FSTL5: variants seen among roughly 807,000 people sequenced by gnomAD.
The protein encoded by FSTL5 is follistatin like 5, also known as follistatin-related protein 5.
In FSTL5, 62 loss-of-function variants were observed where a neutral mutation model predicts 89.1. That is an observed-to-expected ratio of 0.70 (90% CI 0.57 to 0.86). The LOEUF is 0.86. Among genes scored for constraint, FSTL5 ranks in the 40% least tolerant of loss-of-function variants. The probability of loss-of-function intolerance (pLI) is 0.00; values close to 1 mark genes in which losing one functional copy is unlikely to be tolerated. For missense variants in FSTL5, 1,057 were observed against 1,001.6 expected (o/e 1.06, Z -0.75); for synonymous variants, 383 against 346.2 (o/e 1.11, Z -1.18).
chr4:162,154,188 A>G (rs1215860816), intron 1 of FSTL5, among the ~76,000 whole-genome samples: 1 of 151,238 alleles, frequency 6.6e-6, no homozygotes, highest in African/African-American at 2.4e-5. Context: ...TTAGTTAGTT[A>G]TCTTTATTTA....
intron 2 of FSTL5, among the ~76,000 whole-genome samples, chr4:162,072,121 A>G (rs1024026797): frequency 6.6e-6 from 1 of 151,822 alleles, no homozygotes; most frequent in Non-Finnish European, 1.5e-5. Context: ...GTTTTAAATC[A>G]AATGGCAGGC....
chr4:161,514,480 G>T (rs1454341623), intron 10 of FSTL5, among the ~76,000 whole-genome samples: 1 of 152,116 alleles, frequency 6.6e-6, no homozygotes, highest in African/African-American at 2.4e-5. Flanking sequence ...GGAAGTAGGT[G>T]AGGAATGAAA....
intron 3 of FSTL5, among the ~76,000 whole-genome samples, chr4:162,019,683 G>A (rs940806862): frequency 3.6e-4 from 54 of 151,550 alleles, no homozygotes; most frequent in African/African-American, 2.9e-4. Flanking sequence ...TTGTCGGAGC[G>A]TTTATAAAGA....
At chr4:161,986,418 G>A (rs965262027) in intron 3 of FSTL5, among the ~76,000 whole-genome samples, 9 of 152,100 alleles carry the variant, frequency 5.9e-5, no homozygotes, top group Admixed American at 5.2e-4. Context: ...TGAGCCTGGT[G>A]GCATGTGCCT....
At chr4:161,992,770 G>A (rs1363885545) in intron 3 of FSTL5, among the ~76,000 whole-genome samples, 1 of 148,434 alleles carries the variant, frequency 6.7e-6, no homozygotes, top group Non-Finnish European at 1.5e-5. Context: ...CTTGAACCCG[G>A]GAGTTGGACG....
chr4:161,508,138 A>T (rs1422068658), intron 11 of FSTL5, among the ~76,000 whole-genome samples: 1 of 152,058 alleles, frequency 6.6e-6, no homozygotes, highest in African/African-American at 2.4e-5. Flanking sequence ...TGAAATACTT[A>T]TACCCAATGA....
chr4:161,871,051 C>T (rs1363668532), intron 4 of FSTL5, among the ~76,000 whole-genome samples: 1 of 152,006 alleles, frequency 6.6e-6, no homozygotes, highest in Non-Finnish European at 1.5e-5. Context: ...ATATTTTTTT[C>T]CAGGTCAAGA....
chr4:161,471,362 G>A lies in FSTL5; in HGVS notation c.1608+9658C>T, dbSNP rs867955494. ...TTAAGTCTGTTTATTACAATGATCT[G>A]TTTTTATATGTTGAATCATCCTTGC... On this transcript the variant is annotated intron_variant, in intron 13 of 15. Transcript: ENST00000306100. Among the ~76,000 whole-genome samples, 14 of 152,262 alleles carry A rather than the reference G, an allele frequency of 9.2e-5. 2 individuals are homozygous for A. In the Middle Eastern group the frequency reaches 0.017, roughly 185 times the overall value.
In FSTL5 at chr4:161,950,985, G is replaced by A. The variant is rs976953987; in HGVS notation, c.161-30333C>T. ...AATCTCATCTTGAATTGTAGCTCCC[G>A]TAATTCCCACATGTTGTGGAAGGGA... is the stretch of plus-strand genomic sequence containing the variant. On this transcript the variant is annotated intron_variant, in intron 3 of 15. Coordinates refer to ENST00000306100, the MANE Select transcript of FSTL5 (RefSeq NM_020116.5). 7.2e-5 allele frequency among the ~76,000 whole-genome samples: 11 copies of A among 151,958 alleles called. No homozygotes were observed. The East Asian group carries it at 7.7e-4, about 11-fold the overall frequency.
chr4:161,471,829 C>T (rs1312398613), intron 13 of FSTL5, among the ~76,000 whole-genome samples: 1 of 152,144 alleles, frequency 6.6e-6, no homozygotes, highest in Non-Finnish European at 1.5e-5. Context: ...AATTTGACAA[C>T]ATACAATTGT....
In FSTL5 at chr4:161,455,096, G is replaced by T. The variant is rs766631097; in HGVS notation, c.1749C>A (p.His583Gln). ...VITLASGNVP[H>Q]HTIHTQPVGK... Reference sequence around the variant, plus strand: ...CCACTGGTTGGGTGTGGATCGTGTGGTGAGGCACATTCCCACTGGCCAGGG... The same window carrying T: ...CCACTGGTTGGGTGTGGATCGTGTGTTGAGGCACATTCCCACTGGCCAGGG... Residue 583 changes from histidine (H) to glutamine (Q), a missense_variant, in exon 15 of 16, where the codon CAC (histidine) becomes CAA (glutamine). Physicochemically the swap from His to Gln is conservative, Grantham distance 24 (BLOSUM62 0). Coordinates refer to ENST00000306100, the MANE Select transcript of FSTL5 (RefSeq NM_020116.5). 3 of 1,612,186 alleles carry T rather than the reference G, an allele frequency of 1.9e-6. No homozygotes were observed. Among genetic ancestry groups the T allele is most frequent in the Non-Finnish European group, 2.5e-6 (3 of 1,179,236 alleles).
At chr4:161,671,499 G>C (rs774045256) in intron 6 of FSTL5, among the ~76,000 whole-genome samples, 1 of 152,162 alleles carries the variant, frequency 6.6e-6, no homozygotes, top group Non-Finnish European at 1.5e-5. Flanking sequence ...TTTACGAAAA[G>C]TTGCCTATTC....
chr4:162,098,845 G>A (rs546357141), intron 2 of FSTL5, among the ~76,000 whole-genome samples: 5 of 151,964 alleles, frequency 3.3e-5, no homozygotes, highest in East Asian at 1.9e-4. Flanking sequence ...TTCAACAAAC[G>A]CTTCTGGAAC....
chr4:161,791,774 A>G (rs570582926), intron 4 of FSTL5, among the ~76,000 whole-genome samples: 2 of 152,354 alleles, frequency 1.3e-5, no homozygotes, highest in South Asian at 4.1e-4. Context: ...AGGTAGCTAT[A>G]GATACATTCA....
At chr4:162,017,121 G>C (rs1736936636) in intron 3 of FSTL5, among the ~76,000 whole-genome samples, 2 of 152,158 alleles carry the variant, frequency 1.3e-5, no homozygotes, top group Admixed American at 1.3e-4. Context: ...TTTTCCCTTA[G>C]AGTCAGTCTT....
intron 6 of FSTL5, among the ~76,000 whole-genome samples, chr4:161,741,173 T>A (rs1020301804): frequency 6.6e-6 from 1 of 152,118 alleles, no homozygotes; most frequent in Non-Finnish European, 1.5e-5. Context: ...CCAAAATATG[T>A]CCACAGAATC....
At chr4:161,468,200 C>T (rs1733811482) in intron 13 of FSTL5, among the ~76,000 whole-genome samples, 1 of 151,960 alleles carries the variant, frequency 6.6e-6, no homozygotes, top group Non-Finnish European at 1.5e-5. Context: ...ACCCCCACTA[C>T]ATACTACTGC....
Position 161,775,908 on chromosome 4 carries a change from A to G in FSTL5, c.576T>C (p.Asn192=). ...TTAGTTCATTAATATCTACAAGTCC[A>G]TTACTGTCTGCATCAAAATATTTAA... The part of the protein sequence containing the change: ...QMFKYFDADS[N]GLVDINELTQ... Residue 192 remains asparagine (N), a synonymous_variant, in exon 5 of 16, where the codon AAT becomes AAC. Coordinates refer to ENST00000306100, the MANE Select transcript of FSTL5 (RefSeq NM_020116.5). The G allele has an allele frequency of 6.3e-7, 1 of 1,590,494 alleles. No individual in the cohort carries two copies. The highest frequency in any genetic ancestry group is 8.6e-7 in the Non-Finnish European group (1 of 1,168,994).
intron 4 of FSTL5, among the ~76,000 whole-genome samples, chr4:161,778,473 G>C (rs905314966): frequency 6.6e-6 from 1 of 152,092 alleles, no homozygotes; most frequent in Non-Finnish European, 1.5e-5. Flanking sequence ...GAAGCATGGG[G>C]CTGCAAAACA....
Sources: allele counts gnomAD v4.1 joint callset (sites outside exome capture counted in the v4.1 genomes callset), GRCh38; gene constraint gnomAD v4.1.1; transcripts MANE v1.5; gene names NCBI Gene and HGNC (gene_info 2026-07-23, HGNC 2026-07-21).